The following RPS6KA5 variants were observed in gnomAD, a reference collection of about 807,000 sequenced individuals.
The protein encoded by RPS6KA5 is ribosomal protein S6 kinase A5.
RPS6KA5 carries 27 observed loss-of-function variants against 85.5 expected under a neutral mutation model. That is an observed-to-expected ratio of 0.32 (90% CI 0.23 to 0.44). The LOEUF (loss-of-function observed/expected upper bound fraction) is 0.44. Ranked by LOEUF, RPS6KA5 falls within the 20% of genes least tolerant of loss-of-function variation. RPS6KA5 has a pLI of 1.00. For missense variants in RPS6KA5, 811 were observed against 980.9 expected, an observed-to-expected ratio of 0.83 and a Z score of 2.31; for synonymous variants, 334 against 348.2, an observed-to-expected ratio of 0.96 and a Z score of 0.46.
At chr14:90,984,559 G>A (rs906265262) in intron 2 of RPS6KA5, among the ~76,000 whole-genome samples, 3 of 152,286 alleles carry the variant, frequency 2.0e-5, no homozygotes, top group Non-Finnish European at 2.9e-5. Flanking sequence ...ACAGCAAAAC[G>A]TTGACAATCT....
At chr14:91,018,862 T>A (rs1377066417) in intron 1 of RPS6KA5, among the ~76,000 whole-genome samples, 1 of 152,108 alleles carries the variant, frequency 6.6e-6, no homozygotes. Context: ...CATGTATACA[T>A]ATAGCCTATT....
intron 7 of RPS6KA5, among the ~76,000 whole-genome samples, chr14:90,917,873 T>C (rs2036207300): frequency 6.6e-6 from 1 of 152,198 alleles, no homozygotes; most frequent in Non-Finnish European, 1.5e-5. Context: ...ATAAATTCCT[T>C]TTCATTGCTA....
At chr14:90,883,716 G>T (rs957358206) in intron 14 of RPS6KA5, among the ~76,000 whole-genome samples, 4 of 152,030 alleles carry the variant, frequency 2.6e-5, no homozygotes, top group African/African-American at 9.7e-5. Context: ...GTTGAAAATG[G>T]GACCTTGAAC....
At chr14:90,903,253 A>G (rs979450849) in intron 8 of RPS6KA5, among the ~76,000 whole-genome samples, 1 of 152,182 alleles carries the variant, frequency 6.6e-6, no homozygotes, top group Non-Finnish European at 1.5e-5. Flanking sequence ...ACAACAGAAG[A>G]ATACTTTTGT....
chr14:91,025,037 T>C (rs1374516103), intron 1 of RPS6KA5, among the ~76,000 whole-genome samples: 5 of 151,586 alleles, frequency 3.3e-5, no homozygotes, highest in Non-Finnish European at 7.4e-5. Flanking sequence ...TGCATCACCA[T>C]GCCAGTCTAA....
intron 2 of RPS6KA5, among the ~76,000 whole-genome samples, chr14:90,999,359 C>T (rs1179521495): frequency 3.3e-5 from 5 of 152,282 alleles, no homozygotes; most frequent in South Asian, 2.1e-4. Flanking sequence ...CTTATATGGA[C>T]AGGTGTAATC....
intron 14 of RPS6KA5, among the ~76,000 whole-genome samples, chr14:90,888,590 C>T (rs2034373069): frequency 6.6e-6 from 1 of 152,026 alleles, no homozygotes. Flanking sequence ...AAAGAAGAAC[C>T]ATCCTGCAGG....
chr14:91,009,266 G>A lies in RPS6KA5; in HGVS notation c.104-8107C>T, dbSNP rs545880268. On this transcript the variant is annotated intron_variant, in intron 1 of 16. Coordinates refer to ENST00000614987, the MANE Select transcript of RPS6KA5 (RefSeq NM_004755.4). ...GTGCTCTTATAAAAGAGGCTAGAGCGAGCCTGCTGGCCCCTTCCACCATGT... is the reference window on the plus strand; with the variant it reads ...GTGCTCTTATAAAAGAGGCTAGAGCAAGCCTGCTGGCCCCTTCCACCATGT... Among the ~76,000 whole-genome samples, 13 of 152,336 alleles carry A rather than the reference G, an allele frequency of 8.5e-5. No homozygotes were observed. In the South Asian group the frequency reaches 2.5e-3, roughly 29 times the overall value.
intron 6 of RPS6KA5, among the ~76,000 whole-genome samples, chr14:90,920,906 T>G (rs1441178605): frequency 1.3e-5 from 2 of 152,090 alleles, no homozygotes; most frequent in Admixed American, 6.5e-5. Context: ...TCTTTTATTT[T>G]ATTTTATTTG....
intron 3 of RPS6KA5, among the ~76,000 whole-genome samples, chr14:90,950,348 A>G (rs1276348124): frequency 6.6e-6 from 1 of 152,218 alleles, no homozygotes; most frequent in Non-Finnish European, 1.5e-5. Flanking sequence ...CTTTCTATTT[A>G]TAAGATGTCA....
In RPS6KA5 at chr14:90,985,728, A is replaced by G. The variant is rs544451546; in HGVS notation, c.176-7204T>C. Among the ~76,000 whole-genome samples the G allele has an allele frequency of 6.0e-4, 91 of 152,290 alleles. 1 individual carries two copies. Among genetic ancestry groups the G allele is most frequent in the Admixed American group, 4.3e-3 (65 of 15,286 alleles). ...GTCTTATACTCCCCTTTCCCTCTGA[A>G]AACACCCACTGCACACTGACAATCT... On this transcript the variant is annotated intron_variant, in intron 2 of 16. Transcript: ENST00000614987.
At chr14:90,924,783 A>G (rs1015568110) in intron 5 of RPS6KA5, among the ~76,000 whole-genome samples, 8 of 152,226 alleles carry the variant, frequency 5.3e-5, no homozygotes, top group Non-Finnish European at 8.8e-5. Flanking sequence ...AAAGGATCAG[A>G]TAACACTGGA....
intron 3 of RPS6KA5, among the ~76,000 whole-genome samples, chr14:90,968,280 C>A (rs1337414580): frequency 6.6e-6 from 1 of 152,110 alleles, no homozygotes; most frequent in Non-Finnish European, 1.5e-5. Flanking sequence ...ACATCTCCCT[C>A]TCACCCTCCT....
chr14:90,935,129 A>G (rs962396748), intron 5 of RPS6KA5, among the ~76,000 whole-genome samples: 4 of 152,158 alleles, frequency 2.6e-5, no homozygotes, highest in Admixed American at 2.0e-4. Flanking sequence ...GGTAACTAAA[A>G]AGCTGGTTTA....
intron 7 of RPS6KA5, among the ~76,000 whole-genome samples, chr14:90,916,338 C>T (rs1010900080): frequency 1.3e-5 from 2 of 152,132 alleles, no homozygotes; most frequent in Non-Finnish European, 2.9e-5. Context: ...AAGTTCTTAG[C>T]ATATTTTGAA....
At chr14:90,877,827 G>A (rs1040483221) in intron 14 of RPS6KA5, among the ~76,000 whole-genome samples, 2 of 152,116 alleles carry the variant, frequency 1.3e-5, no homozygotes, top group African/African-American at 4.8e-5. Context: ...GCTTCGGGAT[G>A]GGCAAATTCC....
intron 2 of RPS6KA5, among the ~76,000 whole-genome samples, chr14:90,982,469 A>AG (rs1777274129): frequency 6.6e-6 from 1 of 152,132 alleles, no homozygotes. Flanking sequence ...CTCCAAAGGA[A>AG]GAAAAAAAAG....
At chr14:90,956,274 T>A (rs1211248883) in intron 3 of RPS6KA5, among the ~76,000 whole-genome samples, 1 of 152,198 alleles carries the variant, frequency 6.6e-6, no homozygotes, top group Non-Finnish European at 1.5e-5. Flanking sequence ...TTTTTATCAT[T>A]AGGAAGTGTC....
intron 3 of RPS6KA5, among the ~76,000 whole-genome samples, chr14:90,962,142 T>G (rs1372238897): frequency 6.6e-6 from 1 of 152,144 alleles, no homozygotes; most frequent in Non-Finnish European, 1.5e-5. Context: ...TTTGGAAAAA[T>G]TATACTCTCC....
Sources: gnomAD v4.1 joint callset for allele counts (sites outside exome capture counted in the v4.1 genomes callset) on GRCh38, gnomAD v4.1.1 for gene constraint, MANE v1.5 for transcripts, NCBI Gene and HGNC (gene_info 2026-07-23, HGNC 2026-07-21) for gene names.